SUV39H1: variants seen among roughly 807,000 people sequenced by gnomAD.
SUV39H1 encodes histone-lysine N-methyltransferase SUV39H1.
For synonymous variants in SUV39H1, 141 were observed against 150.5 expected (o/e 0.94, Z 0.46); for missense variants, 180 against 386.3 (o/e 0.47, Z 4.48).
At chrX:48,703,292 A>G (rs148979302) in intron 3 of SUV39H1, among the ~76,000 whole-genome samples, 1,338 of 112,185 alleles carry the variant, frequency 0.012, 12 homozygotes, top group African/African-American at 0.041. Context: ...TTGGGGTAAT[A>G]GTCATACATT....
chrX:48,700,556 G>T lies in SUV39H1; in HGVS notation c.631G>T (p.Val211Leu). 8.2e-7 allele frequency: 1 copy of T among 1,212,288 alleles called. No individual in the cohort carries two copies. Among genetic ancestry groups the T allele is most frequent in the Non-Finnish European group, 1.1e-6 (1 of 895,608 alleles). Residue 211 changes from valine to leucine, a missense_variant, in exon 3 of 6, where the codon GTG becomes TTG. Val to Leu is a conservative substitution (Grantham distance 32). Transcript: ENST00000376687. ...HKFAYNDQGQ[V>L]RLRAGLPIYE... ...GTTTGCCTACAATGACCAGGGCCAG[G>T]TGCGGCTTCGAGCCGGGCTGCCCAT...
At chrX:48,697,688 T>G (rs2062461313) in intron 1 of SUV39H1, among the ~76,000 whole-genome samples, 1 of 111,456 alleles carries the variant, frequency 9.0e-6, no homozygotes, top group South Asian at 3.7e-4. Context: ...ACATCTAAAG[T>G]TTAGGTGTGA....
At chrX:48,697,459 C>T (rs1047793767) in intron 1 of SUV39H1, among the ~76,000 whole-genome samples, 3 of 111,364 alleles carry the variant, frequency 2.7e-5, no homozygotes, top group Non-Finnish European at 5.7e-5. Flanking sequence ...GAGAGTCCAC[C>T]TGTGGCCAGT....
chrX:48,695,752 C>A, upstream of SUV39H1: 1 of 1,153,238 alleles, frequency 8.7e-7, no homozygotes, highest in South Asian at 1.9e-5. Flanking sequence ...GATGGCTGTA[C>A]GTGGTTACGG....
intron 2 of SUV39H1, 22 bp from the exon 3 acceptor site, chrX:48,700,069 T>TG: frequency 4.2e-6 from 3 of 719,876 alleles, no homozygotes; most frequent in Non-Finnish European, 4.1e-6. Context: ...GGTACCCCCG[T>TG]CCCCCTACCC....
At chrX:48,695,868 A>G, upstream of SUV39H1, 2 of 1,155,987 alleles carry the variant, frequency 1.7e-6, no homozygotes, top group Non-Finnish European at 2.3e-6. Context: ...TGACCCACTG[A>G]CAGGTGGTGT....
At position 48,707,761 on chromosome X, in the gene SUV39H1, TC is replaced by T. The variant is rs2062496358; in HGVS notation, c.*194del. The T allele has an allele frequency of 1.9e-6, 1 of 531,540 alleles. No individual in the cohort carries two copies. The highest frequency in any genetic ancestry group is 3.2e-6 in the Non-Finnish European group (1 of 307,937). The allele number at this position is 531,540 out of a possible 1,213,427, so 43.8% of individuals were successfully genotyped here. On this transcript the variant is annotated 3_prime_UTR_variant, in exon 6 of 6. Transcript: ENST00000376687. ...CGACTCCAGGAGTCCCCTTTCCCTG[TC>T]CCAGCCCCATCTGTGGGTTGCACTT...
chrX:48,704,908 T>C (rs1193502136), intron 3 of SUV39H1, among the ~76,000 whole-genome samples: 2 of 111,636 alleles, frequency 1.8e-5, no homozygotes, highest in African/African-American at 6.5e-5. Flanking sequence ...ATGCTGGGAC[T>C]GGGCACAAGG....
intron 3 of SUV39H1, among the ~76,000 whole-genome samples, chrX:48,701,987 A>T (rs2062476645): frequency 8.9e-6 from 1 of 112,078 alleles, no homozygotes; most frequent in Non-Finnish European, 1.9e-5. Flanking sequence ...TGACAAGGAG[A>T]GGCTCCTACT....
rs1557008650 is a variant in SUV39H1 at position 48,696,749 on chromosome X, C to T, written c.-36C>T. The T allele has an allele frequency of 8.8e-7, 1 of 1,135,368 alleles. No individual in the cohort carries two copies. The highest frequency in any genetic ancestry group is 2.9e-5 in the Admixed American group (1 of 34,083). The allele number at this position is 1,135,368 out of a possible 1,213,427, so 93.6% of individuals were successfully genotyped here. A position where few individuals can be genotyped will look rare whatever the true frequency, so the allele number is the denominator to read the frequency against. On this transcript the variant is annotated 5_prime_UTR_variant, in exon 1 of 6. Transcript: ENST00000376687. ...CCGCGCGAGCGCTCTTCTCGCGAGG[C>T]CGGCTAGGCCCGAATGTCGTTAGCC...
chrX:48,705,715 C>CCCTCTG (rs782617661), intron 3 of SUV39H1, among the ~76,000 whole-genome samples: 4 of 112,299 alleles, frequency 3.6e-5, no homozygotes, highest in African/African-American at 1.3e-4. Flanking sequence ...ACCTGGGCCT[C>CCCTCTG]CCTCTGCCTC....
chrX:48,699,035 C>T lies in SUV39H1; in HGVS notation c.153C>T (p.Tyr51=). The T allele has an allele frequency of 8.3e-7, 1 of 1,208,963 alleles. No individual in the cohort carries two copies. Among genetic ancestry groups the T allele is most frequent in the Non-Finnish European group, 1.1e-6 (1 of 894,106 alleles). The part of the protein sequence containing the change: ...YDFEVEYLCD[Y]KKIREQEYYL... ...TTGAAGTCGAGTACCTGTGCGATTA[C>T]AAGAAGATCCGCGTGAGTCTGGGGT... The change falls in exon 2 of 6, where the codon TAC becomes TAT. Residue 51 remains tyrosine, a synonymous_variant. Transcript: ENST00000376687.
chrX:48,703,820 T>C (rs1248482612), intron 3 of SUV39H1, among the ~76,000 whole-genome samples: 2 of 111,101 alleles, frequency 1.8e-5, no homozygotes, highest in South Asian at 3.8e-4. Context: ...CCCTGTCAGG[T>C]TGGGATTTTG....
intron 3 of SUV39H1, among the ~76,000 whole-genome samples, chrX:48,704,642 G>A (rs1339156177): frequency 8.9e-6 from 1 of 111,905 alleles, no homozygotes; most frequent in Non-Finnish European, 1.9e-5. Context: ...CTTCCACCAG[G>A]TGGTAAAGCC....
chrX:48,708,383 C>T lies in SUV39H1; in HGVS notation c.*813C>T, dbSNP rs782165815. On this transcript the variant is annotated 3_prime_UTR_variant, in exon 6 of 6. Transcript: ENST00000376687. ...GGGCCCTGACCTGGGGTGTCATGAC[C>T]GCTGACACCACTCAGAGCTGGAACC... 2 of 112,898 alleles carry T rather than the reference C, an allele frequency of 1.8e-5. No homozygotes were observed. Among genetic ancestry groups the T allele is most frequent in the South Asian group, 3.7e-4 (1 of 2,707 alleles). 9.3% of individuals were successfully genotyped at this position (112,898 alleles called of 1,213,427 possible).
chrX:48,700,070 C>A, intron 2 of SUV39H1, 21 bp from the exon 3 acceptor site: 3 of 911,373 alleles, frequency 3.3e-6, no homozygotes, highest in Non-Finnish European at 4.6e-6. Flanking sequence ...GTACCCCCGT[C>A]CCCCTACCCA....
upstream of SUV39H1, chrX:48,695,668 G>A (rs187079044): frequency 8.0e-5 from 89 of 1,113,425 alleles, no homozygotes; most frequent in East Asian, 2.4e-3. Flanking sequence ...AATGACTGAC[G>A]ATGTGATGAG....
At chrX:48,704,863 T>C (rs981890665) in intron 3 of SUV39H1, among the ~76,000 whole-genome samples, 6 of 111,025 alleles carry the variant, frequency 5.4e-5, no homozygotes, top group Non-Finnish European at 7.6e-5. Context: ...CCGGGCCTGG[T>C]CCCTGTGTCT....
intron 3 of SUV39H1, among the ~76,000 whole-genome samples, chrX:48,704,616 GGA>G (rs1296867360): frequency 3.6e-5 from 4 of 111,799 alleles, no homozygotes; most frequent in Non-Finnish European, 7.5e-5. Flanking sequence ...GTGGCCCTTA[GGA>G]GAGAGTCCCC....
Sources: gnomAD v4.1 joint callset for allele counts (sites outside exome capture counted in the v4.1 genomes callset) on GRCh38, gnomAD v4.1.1 for gene constraint, MANE v1.5 for transcripts, NCBI Gene and HGNC (gene_info 2026-07-23, HGNC 2026-07-21) for gene names.